CENPU: variants seen among roughly 807,000 people sequenced by gnomAD.
The protein encoded by CENPU is KSHV latent nuclear antigen interacting protein 1.
A neutral mutation model predicts 56.7 loss-of-function variants in CENPU; 46 were observed. That is an observed-to-expected ratio of 0.81 (90% CI 0.64 to 1.04). CENPU has a LOEUF of 1.04. Ranked by LOEUF, CENPU falls within the 50% of genes least tolerant of loss-of-function variation. The probability of loss-of-function intolerance (pLI) is 0.00; values close to 1 mark genes in which losing one functional copy is unlikely to be tolerated. For missense variants in CENPU, 510 were observed against 490.1 expected (o/e 1.04, Z -0.38); for synonymous variants, 166 against 163.0 (o/e 1.02, Z -0.14).
chr4:184,697,476 G>A (rs1760377930), intron 12 of CENPU, among the ~76,000 whole-genome samples, 171 bp downstream of exon 12: 1 of 152,122 alleles, frequency 6.6e-6, no homozygotes, highest in South Asian at 2.1e-4. Flanking sequence ...AAGTAGCTAA[G>A]AAAAGTGCTG....
chr4:184,706,810 A>C (rs1046553830), intron 8 of CENPU, among the ~76,000 whole-genome samples: 1 of 152,238 alleles, frequency 6.6e-6, no homozygotes, highest in African/African-American at 2.4e-5. Context: ...CAATAAGTCT[A>C]AGAAAAAATA....
At position 184,725,018 on chromosome 4, in the gene CENPU, ATTC is replaced by A. The variant is rs1761406031; in HGVS notation, c.256_258del (p.Glu86del). 4 of 1,613,190 alleles carry A rather than the reference ATTC, an allele frequency of 2.5e-6. No homozygotes were observed. The highest frequency in any genetic ancestry group is 1.3e-5 in the African/African-American group (1 of 75,026). ...AGAGACAGTCCACAATGTTTGGAGA[ATTC>A]TTCTTCATCAGCATATATAGCTGTG... On this transcript the variant is annotated inframe_deletion, in exon 4 of 13. Transcript: ENST00000281453.
At chr4:184,722,884 T>G (rs1761327866) in intron 4 of CENPU, among the ~76,000 whole-genome samples, 1 of 152,162 alleles carries the variant, frequency 6.6e-6, no homozygotes, top group Non-Finnish European at 1.5e-5. Context: ...GAATACAAAT[T>G]AGAACTAGGC....
chr4:184,709,987 ACATAACAAAAACTG>A (rs1180642367), intron 8 of CENPU, 71 bp downstream of exon 8: 1 of 545,566 alleles, frequency 1.8e-6, no homozygotes, highest in Non-Finnish European at 3.3e-6. Flanking sequence ...TGAAAATAGT[ACATAACAAAAACTG>A]TAGGATGAGC....
Position 184,695,262 on chromosome 4 carries a change from A to T in CENPU, c.*26T>A. On this transcript the variant is annotated 3_prime_UTR_variant, in exon 13 of 13. Coordinates refer to ENST00000281453, the MANE Select transcript of CENPU (RefSeq NM_024629.4). ...AACAGCATGAGACTAGTCTTCCTATAGGCACATTTTAGTAGACTGCTCTTC... is the reference window on the plus strand; with the variant it reads ...AACAGCATGAGACTAGTCTTCCTATTGGCACATTTTAGTAGACTGCTCTTC... 6.9e-7 allele frequency: 1 copy of T among 1,454,588 alleles called. No individual in the cohort carries two copies. The highest frequency in any genetic ancestry group is 9.7e-7 in the Non-Finnish European group (1 of 1,035,076). 90.1% of individuals were successfully genotyped at this position (1,454,588 alleles called of 1,614,324 possible).
chr4:184,710,467 G>C, intron 7 of CENPU: 1 of 243,486 alleles, frequency 4.1e-6, no homozygotes, highest in Non-Finnish European at 7.8e-6. Context: ...ATTTAGTATT[G>C]TGCTGTTATT....
chr4:184,718,121 C>T (rs925231846), intron 4 of CENPU, among the ~76,000 whole-genome samples: 59 of 152,236 alleles, frequency 3.9e-4, no homozygotes, highest in Non-Finnish European at 1.0e-4. Flanking sequence ...CTTCTGCACC[C>T]ACTGCAGCGC....
intron 4 of CENPU, among the ~76,000 whole-genome samples, chr4:184,723,263 G>C (rs6814278): frequency 0.18 from 27,110 of 151,996 alleles, 2,719 homozygotes; most frequent in African/African-American, 0.26. Flanking sequence ...GCCTTTTGTA[G>C]ACAAAAAAGG....
chr4:184,723,306 G>C (rs1226255835), intron 4 of CENPU, among the ~76,000 whole-genome samples: 2 of 152,260 alleles, frequency 1.3e-5, no homozygotes, highest in East Asian at 1.9e-4. Flanking sequence ...ACTTTTATAT[G>C]CACCAAGAAA....
chr4:184,703,908 C>G (rs943216076), intron 8 of CENPU, among the ~76,000 whole-genome samples: 1 of 152,204 alleles, frequency 6.6e-6, no homozygotes, highest in Admixed American at 6.5e-5. Flanking sequence ...CCTAGTGACA[C>G]TGTTGCCATC....
chr4:184,730,453 T>C (rs369054719), intron 2 of CENPU, among the ~76,000 whole-genome samples: 3 of 149,438 alleles, frequency 2.0e-5, no homozygotes, highest in East Asian at 3.9e-4. Flanking sequence ...GAGATTACAA[T>C]GTCAATCACA....
chr4:184,699,413 G>A (rs2150200757), intron 11 of CENPU, among the ~76,000 whole-genome samples: 1 of 152,354 alleles, frequency 6.6e-6, no homozygotes, highest in Non-Finnish European at 1.5e-5. Context: ...GGCACGGCCT[G>A]ACTGTAGCTA....
At chr4:184,705,127 T>C (rs1347289692) in intron 8 of CENPU, among the ~76,000 whole-genome samples, 1 of 152,270 alleles carries the variant, frequency 6.6e-6, no homozygotes, top group African/African-American at 2.4e-5. Flanking sequence ...TGTATCCAAA[T>C]GTTTACAGCA....
intron 10 of CENPU, 46 bp from the exon 11 acceptor site, chr4:184,700,927 G>C (rs1487645603): frequency 1.4e-6 from 2 of 1,473,062 alleles, no homozygotes; most frequent in Middle Eastern, 3.7e-4. Context: ...GTAACTGTTT[G>C]AGCACTGCCA....
At position 184,694,882 on chromosome 4, in the gene CENPU, T is replaced by A; in HGVS notation, c.*406A>T. ...ACCTGTTTATATAAACTAAGTTTTA[T>A]TACTTTGCTTTCCAATTTTTGTTTT... On this transcript the variant is annotated 3_prime_UTR_variant, in exon 13 of 13. Transcript: ENST00000281453. The A allele has an allele frequency of 2.0e-6, 2 of 1,022,342 alleles. No individual in the cohort carries two copies. Among genetic ancestry groups the A allele is most frequent in the South Asian group, 3.8e-5 (2 of 52,816 alleles). 63.3% of individuals were successfully genotyped at this position (1,022,342 alleles called of 1,614,324 possible). A position where few individuals can be genotyped will look rare whatever the true frequency, so the allele number is the denominator to read the frequency against.
intron 10 of CENPU, 65 bp from the exon 11 acceptor site, chr4:184,700,946 G>T: frequency 7.6e-7 from 1 of 1,323,916 alleles, no homozygotes; most frequent in Non-Finnish European, 1.1e-6. Flanking sequence ...CACATAAGCT[G>T]CCAGGTAATG....
At chr4:184,708,222 C>A (rs1180507771) in intron 8 of CENPU, among the ~76,000 whole-genome samples, 35 of 89,810 alleles carry the variant, frequency 3.9e-4, no homozygotes, top group East Asian at 7.7e-4. Flanking sequence ...GACTCCATCT[C>A]AAAAAAAAAA....
intron 3 of CENPU, among the ~76,000 whole-genome samples, chr4:184,725,621 A>G (rs1761425503): frequency 6.6e-6 from 1 of 152,198 alleles, no homozygotes; most frequent in Non-Finnish European, 1.5e-5. Context: ...CCACTGCATT[A>G]AACTATAAAC....
Position 184,725,065 on chromosome 4 carries a change from T to G in CENPU, c.215-3A>C. ...AGCTGTGCTATGTAAAGGAGGATCT[T>G]TCAAAAGACAAAAAAGAAGCACAAC... On this transcript the variant is annotated splice_region_variant and splice_polypyrimidine_tract_variant and intron_variant, in intron 3 of 12. Coordinates refer to ENST00000281453, the MANE Select transcript of CENPU (RefSeq NM_024629.4). 6.3e-7 allele frequency: 1 copy of G among 1,584,300 alleles called. No individual in the cohort carries two copies. Among genetic ancestry groups the G allele is most frequent in the Non-Finnish European group, 8.6e-7 (1 of 1,161,470 alleles).
Sources: allele counts gnomAD v4.1 joint callset (sites outside exome capture counted in the v4.1 genomes callset), GRCh38; gene constraint gnomAD v4.1.1; transcripts MANE v1.5; gene names NCBI Gene and HGNC (gene_info 2026-07-23, HGNC 2026-07-21).